Variants in SPAG16 observed in about 807,000 individuals in gnomAD.
The protein encoded by SPAG16 is sperm-associated antigen 16 protein.
In SPAG16, 86 loss-of-function variants were observed where a neutral mutation model predicts 80.4. The ratio of observed to expected loss-of-function variants is 1.07; its 90% confidence interval spans 0.90 to 1.28. The LOEUF is 1.28. Among genes scored for constraint, SPAG16 ranks in the 50% most tolerant of loss-of-function variants. The pLI is 0.00. For missense variants in SPAG16, 870 were observed against 765.3 expected, an observed-to-expected ratio of 1.14 and a Z score of -1.61; for synonymous variants, 294 against 265.9, an observed-to-expected ratio of 1.11 and a Z score of -1.03.
chr2:214,363,718 A>G lies in SPAG16; in HGVS notation c.1721-46422A>G, dbSNP rs915092370. ...GGCATCTTTTAAAGACAAAGAAAAG[A>G]AGTTCATGTAAGCTATTTTGAAACC... On this transcript the variant is annotated intron_variant, in intron 15 of 15. Transcript: ENST00000331683. Among the ~76,000 whole-genome samples, 9 of 152,178 alleles carry G rather than the reference A, an allele frequency of 5.9e-5. No individual in the cohort carries two copies. In the South Asian group the frequency reaches 1.7e-3, roughly 28 times the overall value.
chr2:214,008,635 C>G (rs973193054), intron 12 of SPAG16, among the ~76,000 whole-genome samples: 1 of 151,922 alleles, frequency 6.6e-6, no homozygotes, highest in African/African-American at 2.4e-5. Context: ...GCCCCAGCTA[C>G]TCCAGAGGCT....
intron 5 of SPAG16, among the ~76,000 whole-genome samples, chr2:213,335,643 ATCAT>A (rs2064320879): frequency 6.6e-6 from 1 of 152,162 alleles, no homozygotes. Flanking sequence ...TGTTTATCTA[ATCAT>A]TCATATATTC....
At chr2:214,100,264 C>T (rs1299654987) in intron 13 of SPAG16, among the ~76,000 whole-genome samples, 3 of 151,990 alleles carry the variant, frequency 2.0e-5, no homozygotes, top group African/African-American at 7.2e-5. Context: ...ATAAATTACC[C>T]AGTCTCAGGT....
At chr2:214,409,315 T>C (rs1311421155) in intron 15 of SPAG16, among the ~76,000 whole-genome samples, 1 of 152,052 alleles carries the variant, frequency 6.6e-6, no homozygotes, top group Non-Finnish European at 1.5e-5. Flanking sequence ...GTCATACTTA[T>C]TTACACTAAG....
intron 11 of SPAG16, among the ~76,000 whole-genome samples, chr2:213,906,472 T>C (rs1193837911): frequency 2.0e-5 from 3 of 152,138 alleles, no homozygotes; most frequent in African/African-American, 4.8e-5. Context: ...ATGCAGTCTC[T>C]ATCAAAATAC....
chr2:213,793,876 G>A (rs1221127505), intron 10 of SPAG16, among the ~76,000 whole-genome samples: 1 of 152,084 alleles, frequency 6.6e-6, no homozygotes, highest in Non-Finnish European at 1.5e-5. Flanking sequence ...AATGGGCCGT[G>A]CATAAATGAG....
chr2:213,912,383 A>C (rs1370085706), intron 11 of SPAG16, among the ~76,000 whole-genome samples: 2 of 152,206 alleles, frequency 1.3e-5, no homozygotes, highest in Non-Finnish European at 2.9e-5. Flanking sequence ...GCTATATAAG[A>C]GAGAAACTAT....
chr2:213,594,065 G>A (rs946515313), intron 10 of SPAG16, among the ~76,000 whole-genome samples: 3 of 151,730 alleles, frequency 2.0e-5, no homozygotes, highest in Non-Finnish European at 2.9e-5. Context: ...GTGAGCCACC[G>A]CGCCCGGCCA....
chr2:214,381,363 T>C (rs1700440197), intron 15 of SPAG16, among the ~76,000 whole-genome samples: 1 of 152,216 alleles, frequency 6.6e-6, no homozygotes, highest in Admixed American at 6.5e-5. Flanking sequence ...AATGATACCT[T>C]TCCATGTGGG....
At chr2:213,517,187 C>G (rs903871471) in intron 10 of SPAG16, among the ~76,000 whole-genome samples, 1 of 152,008 alleles carries the variant, frequency 6.6e-6, no homozygotes, top group East Asian at 1.9e-4. Context: ...AGAGTCAAAT[C>G]AAGAGCATGA....
intron 1 of SPAG16, among the ~76,000 whole-genome samples, chr2:213,292,342 G>A (rs1422504921): frequency 6.6e-6 from 1 of 152,170 alleles, no homozygotes; most frequent in African/African-American, 2.4e-5. Flanking sequence ...TCCTCTAGCT[G>A]AACCTTCGGA....
chr2:213,834,491 G>C (rs2073969412), intron 10 of SPAG16, among the ~76,000 whole-genome samples: 1 of 152,152 alleles, frequency 6.6e-6, no homozygotes. Flanking sequence ...ATCCTGTGTA[G>C]CATTTCTTCC....
intron 15 of SPAG16, among the ~76,000 whole-genome samples, chr2:214,321,305 T>C (rs1179431458): frequency 3.3e-5 from 5 of 152,216 alleles, no homozygotes. Context: ...GCAAAATTCA[T>C]GAATAGACAT....
chr2:213,610,130 TTAA>T (rs2061396071), intron 10 of SPAG16, among the ~76,000 whole-genome samples: 1 of 152,130 alleles, frequency 6.6e-6, no homozygotes. Flanking sequence ...CTTCCCTATA[TTAA>T]TAATATTTTT....
At chr2:214,178,702 C>T (rs1277127919) in intron 15 of SPAG16, among the ~76,000 whole-genome samples, 1 of 150,910 alleles carries the variant, frequency 6.6e-6, no homozygotes, top group African/African-American at 2.4e-5. Context: ...TGTAGCACAC[C>T]CAGTGTTTTG....
chr2:214,089,104 C>T (rs2125303591), intron 13 of SPAG16, among the ~76,000 whole-genome samples: 1 of 152,152 alleles, frequency 6.6e-6, no homozygotes, highest in South Asian at 2.1e-4. Flanking sequence ...AACACTTCGA[C>T]TGTAGAGTCC....
chr2:213,761,393 A>C (rs2068648844), intron 10 of SPAG16, among the ~76,000 whole-genome samples: 1 of 152,202 alleles, frequency 6.6e-6, no homozygotes, highest in African/African-American at 2.4e-5. Flanking sequence ...CAAGAAAGGA[A>C]ATAATAAAAA....
chr2:213,763,235 A>C (rs1282473548), intron 10 of SPAG16, among the ~76,000 whole-genome samples: 1 of 151,244 alleles, frequency 6.6e-6, no homozygotes, highest in Non-Finnish European at 1.5e-5. Flanking sequence ...CCTCAAAAAA[A>C]TCAAAAACAG....
rs372420738 is a variant in SPAG16 at position 214,363,533 on chromosome 2, A to G, written c.1721-46607A>G. Among the ~76,000 whole-genome samples the G allele has an allele frequency of 9.1e-4, 139 of 152,142 alleles. 2 individuals are homozygous for G. Among genetic ancestry groups the G allele is most frequent in the South Asian group, 6.4e-3 (31 of 4,822 alleles). On this transcript the variant is annotated intron_variant, in intron 15 of 15. Transcript: ENST00000331683. Reference sequence around the variant, plus strand: ...GATATCTTACATGCAATTAAAATGCAATAGGTTAAAAACTGACCCTGTCAA... The same window carrying G: ...GATATCTTACATGCAATTAAAATGCGATAGGTTAAAAACTGACCCTGTCAA...
Sources: allele counts gnomAD v4.1 joint callset (sites outside exome capture counted in the v4.1 genomes callset), GRCh38; gene constraint gnomAD v4.1.1; transcripts MANE v1.5; gene names NCBI Gene and HGNC (gene_info 2026-07-23, HGNC 2026-07-21).